The following RPTOR variants were observed in gnomAD, a reference collection of about 807,000 sequenced individuals.
RPTOR encodes the protein regulatory-associated protein of mTOR.
In RPTOR, 21 loss-of-function variants were observed where a neutral mutation model predicts 169.9. The observed-to-expected ratio is 0.12, with a 90% CI of 0.09 to 0.18. The LOEUF (loss-of-function observed/expected upper bound fraction) is 0.18. Ranked by LOEUF, RPTOR falls within the 10% of genes least tolerant of loss-of-function variation. RPTOR has a pLI of 1.00. For synonymous variants in RPTOR, 732 were observed against 753.2 expected (o/e 0.97, Z 0.46); for missense variants, 1,133 against 1,855.9 (o/e 0.61, Z 7.16).
At chr17:80,821,173 C>G (rs1029844323) in intron 7 of RPTOR, among the ~76,000 whole-genome samples, 5 of 152,214 alleles carry the variant, frequency 3.3e-5, no homozygotes, top group Non-Finnish European at 7.3e-5. Context: ...AATCCCAACA[C>G]TTTGGGAGGG....
intron 21 of RPTOR, among the ~76,000 whole-genome samples, chr17:80,916,770 C>T (rs1042759747): frequency 7.9e-5 from 12 of 152,166 alleles, no homozygotes; most frequent in South Asian, 6.2e-4. Flanking sequence ...GAGGCCAAGG[C>T]GGGCGGATCA....
chr17:80,568,357 C>A (rs981748641), intron 1 of RPTOR, among the ~76,000 whole-genome samples: 12 of 152,144 alleles, frequency 7.9e-5, no homozygotes, highest in African/African-American at 2.9e-4. Flanking sequence ...CTGAGGTTGT[C>A]CTTATTTCAC....
chr17:80,748,640 G>T (rs1169083617), intron 5 of RPTOR, among the ~76,000 whole-genome samples: 4 of 104,486 alleles, frequency 3.8e-5, no homozygotes, highest in Non-Finnish European at 7.8e-5. Context: ...TAGAGGCCGT[G>T]GCGAGAGGAC....
intron 4 of RPTOR, among the ~76,000 whole-genome samples, chr17:80,729,094 C>G (rs1025998445): frequency 2.0e-5 from 3 of 152,328 alleles, no homozygotes; most frequent in East Asian, 1.9e-4. Flanking sequence ...TGAGATGTAG[C>G]TGATGTCTGA....
At chr17:80,791,246 C>T (rs1047354186) in intron 6 of RPTOR, among the ~76,000 whole-genome samples, 7 of 151,860 alleles carry the variant, frequency 4.6e-5, no homozygotes, top group African/African-American at 1.7e-4. Context: ...ACTGTGGCAG[C>T]TCTGTAGTCT....
chr17:80,805,023 GC>G (rs956464135), intron 7 of RPTOR: 1 of 152,160 alleles, frequency 6.6e-6, no homozygotes, highest in Non-Finnish European at 1.5e-5. Flanking sequence ...CAGAAATCAG[GC>G]ATAACCACAC....
intron 3 of RPTOR, among the ~76,000 whole-genome samples, chr17:80,673,586 C>G (rs890455329): frequency 3.3e-5 from 5 of 152,234 alleles, no homozygotes; most frequent in Non-Finnish European, 7.3e-5. Context: ...CCGTGACCTT[C>G]GCTGTCATCC....
At chr17:80,790,859 G>A (rs924479955) in intron 6 of RPTOR, among the ~76,000 whole-genome samples, 14 of 152,186 alleles carry the variant, frequency 9.2e-5, no homozygotes, top group Non-Finnish European at 1.6e-4. Context: ...CCCACTGTAT[G>A]CCAGTAGCCC....
intron 22 of RPTOR, 52 bp from the exon 23 acceptor site, chr17:80,923,438 G>A (rs759333228): frequency 1.2e-5 from 20 of 1,606,176 alleles, no homozygotes; most frequent in East Asian, 2.2e-5. Context: ...GTTCCCTCTC[G>A]AAGCCCCAGA....
rs1367742132 is a variant in RPTOR, at chr17:80,966,259, A to G, written c.*1929A>G. On this transcript the variant is annotated 3_prime_UTR_variant, in exon 34 of 34. Transcript: ENST00000306801. ...CGAGAGAGCGCCGGCCTAGAGGCTC[A>G]TTATCTATTTATTTTACCAAACGCG... 1 of 232,726 alleles carries G rather than the reference A, an allele frequency of 4.3e-6. No individual in the cohort carries two copies. Among genetic ancestry groups the G allele is most frequent in the African/African-American group, 2.2e-5 (1 of 45,304 alleles). The allele number at this position is 232,726 out of a possible 1,614,324, so 14.4% of individuals were successfully genotyped here.
intron 20 of RPTOR, among the ~76,000 whole-genome samples, chr17:80,903,655 A>G (rs2068504723): frequency 6.6e-6 from 1 of 152,168 alleles, no homozygotes; most frequent in African/African-American, 2.4e-5. Flanking sequence ...GGTACCTAGA[A>G]CTACAGTTTC....
intron 19 of RPTOR, 145 bp downstream of exon 19, chr17:80,893,014 G>A (rs2068345850): frequency 9.7e-7 from 1 of 1,027,518 alleles, no homozygotes; most frequent in South Asian, 1.6e-5. Context: ...ATGGTGATGA[G>A]TCACCCTTCC....
intron 21 of RPTOR, among the ~76,000 whole-genome samples, chr17:80,912,518 A>T (rs1409595698): frequency 6.6e-6 from 1 of 152,094 alleles, no homozygotes; most frequent in Non-Finnish European, 1.5e-5. Flanking sequence ...AAATATAAGG[A>T]CTATTAAGTG....
At position 80,785,625 on chromosome 17, in the gene RPTOR, C is replaced by T. The variant is rs1261446348; in HGVS notation, c.831-5825C>T. ...AAGTGGCAGCAGGCAGTTTCCGCGG[C>T]CAGGCTGGCAGAGAACTACATTGCT... On this transcript the variant is annotated intron_variant, in intron 6 of 33. Transcript: ENST00000306801. Among the ~76,000 whole-genome samples, 3 of 152,240 alleles carry T rather than the reference C, an allele frequency of 2.0e-5. No individual in the cohort carries two copies. The East Asian group carries it at 5.8e-4, about 29-fold the overall frequency.
chr17:80,605,685 T>C lies in RPTOR; in HGVS notation c.163-20006T>C, dbSNP rs146023407. On this transcript the variant is annotated intron_variant, in intron 1 of 33. Coordinates refer to ENST00000306801, the MANE Select transcript of RPTOR (RefSeq NM_020761.3). ...TAGGTGTAAAATAGAGCTGGTGATA[T>C]ACACCTTGCCAGGTTATTTGAAAAT... 2.0e-3 allele frequency among the ~76,000 whole-genome samples: 310 copies of C among 152,302 alleles called. 2 individuals are homozygous for C. Among genetic ancestry groups the C allele is most frequent in the African/African-American group, 7.2e-3 (300 of 41,556 alleles).
rs1292995736 is a variant in RPTOR at position 80,844,632 on chromosome 17, A to C, written c.1213-1841A>C. 6.6e-6 allele frequency among the ~76,000 whole-genome samples: 1 copy of C among 152,232 alleles called. No homozygotes were observed. The highest frequency in any genetic ancestry group is 1.5e-5 in the Non-Finnish European group (1 of 68,044). On this transcript the variant is annotated intron_variant, in intron 10 of 33. Transcript: ENST00000306801. The surrounding 1 kb of genome is among the most constrained non-coding windows in gnomAD (Gnocchi z 4.7). The stretch of plus-strand genomic sequence containing the variant: ...GATTAACTTTCTGTAAGCTGGCTGC[A>C]CAGGAGCACGGATTCCTACGTGGTG...
chr17:80,779,836 T>A (rs2066923252), intron 6 of RPTOR, among the ~76,000 whole-genome samples: 1 of 152,154 alleles, frequency 6.6e-6, no homozygotes. Context: ...ATTTCCAAGT[T>A]CATTGGAAAA....
At chr17:80,686,353 A>ATTTTTTTATTTTTTTTATTTTTC (rs1297973195) in intron 3 of RPTOR, among the ~76,000 whole-genome samples, 1 of 142,830 alleles carries the variant, frequency 7.0e-6, no homozygotes, top group African/African-American at 2.9e-5. Context: ...CGCCTGGCTA[A>ATTTTTTTATTTTTTTTATTTTTC]TTTTTTTATT....
At chr17:80,573,971 G>A (rs904347754) in intron 1 of RPTOR, among the ~76,000 whole-genome samples, 3 of 152,164 alleles carry the variant, frequency 2.0e-5, no homozygotes, top group African/African-American at 7.2e-5. Flanking sequence ...TGCCTGGGTC[G>A]GGGGAAGTTT....
Sources: allele counts gnomAD v4.1 joint callset (sites outside exome capture counted in the v4.1 genomes callset), GRCh38; gene constraint gnomAD v4.1.1; non-coding constraint Gnocchi (gnomAD v3.1); transcripts MANE v1.5; gene names NCBI Gene and HGNC (gene_info 2026-07-23, HGNC 2026-07-21).